Variants in ARHGAP24 observed in about 807,000 individuals in gnomAD.
The protein encoded by ARHGAP24 is Rho GTPase activating protein 24.
ARHGAP24 carries 50 observed loss-of-function variants against 76.4 expected under a neutral mutation model. The observed-to-expected ratio is 0.65, with a 90% CI of 0.52 to 0.83. The LOEUF (loss-of-function observed/expected upper bound fraction) is 0.83, where lower values mean the gene tolerates loss of function less well. ARHGAP24 is among the 40% of genes least tolerant of loss of function. The probability of loss-of-function intolerance (pLI) is 0.00; values close to 1 mark genes in which losing one functional copy is unlikely to be tolerated. For missense variants in ARHGAP24, 930 were observed against 914.2 expected, an observed-to-expected ratio of 1.02 and a Z score of -0.22; for synonymous variants, 345 against 323.3, an observed-to-expected ratio of 1.07 and a Z score of -0.72.
rs72970089 is a variant in ARHGAP24, at chr4:85,883,411, C to T, written c.269-40237C>T. Among the ~76,000 whole-genome samples, 1,407 of 152,082 alleles carry T rather than the reference C, an allele frequency of 9.3e-3. 15 individuals are homozygous for T. The highest frequency in any genetic ancestry group is 0.035 in the East Asian group (183 of 5,158). On this transcript the variant is annotated intron_variant, in intron 3 of 9. Coordinates refer to ENST00000395184, the MANE Select transcript of ARHGAP24 (RefSeq NM_001025616.3). ...CTCCTTTCTTGATGATTCTAGTGTG[C>T]GGCTTAGGCTGAAAATGCACTATGA... is the stretch of plus-strand genomic sequence containing the variant.
intron 3 of ARHGAP24, among the ~76,000 whole-genome samples, chr4:85,769,476 G>T (rs758776848): frequency 6.6e-6 from 1 of 152,010 alleles, no homozygotes; most frequent in Non-Finnish European, 1.5e-5. Context: ...GCAAAAAATG[G>T]AATAAAGAAA....
intron 4 of ARHGAP24, among the ~76,000 whole-genome samples, chr4:85,938,186 G>C (rs764299294): frequency 6.6e-6 from 1 of 152,148 alleles, no homozygotes; most frequent in Non-Finnish European, 1.5e-5. Flanking sequence ...TCACATCCTC[G>C]GTGATGCTTT....
chr4:85,707,579 G>A (rs1724366182), intron 2 of ARHGAP24, among the ~76,000 whole-genome samples: 1 of 152,118 alleles, frequency 6.6e-6, no homozygotes, highest in South Asian at 2.1e-4. Flanking sequence ...GTAATAACAA[G>A]CAGGGATCCC....
At chr4:85,930,148 T>G (rs1033391110) in intron 4 of ARHGAP24, 20 of 733,022 alleles carry the variant, frequency 2.7e-5, no homozygotes, top group South Asian at 6.2e-5. Context: ...CCAGTTCTCA[T>G]TGAGAAAAGG....
chr4:85,510,463 C>G (rs1489497389), intron 1 of ARHGAP24, among the ~76,000 whole-genome samples: 1 of 151,906 alleles, frequency 6.6e-6, no homozygotes, highest in Non-Finnish European at 1.5e-5. Context: ...TTCTCCCTCT[C>G]TCTACCCGTT....
In ARHGAP24 at chr4:86,001,429, C is replaced by T. The variant is rs953906126; in HGVS notation, c.*707C>T. On this transcript the variant is annotated 3_prime_UTR_variant, in exon 10 of 10. Coordinates refer to ENST00000395184, the MANE Select transcript of ARHGAP24 (RefSeq NM_001025616.3). ...TGAGAAAGTCCCTTTCTGAGGCCCA[C>T]TGTCTACCTTGCCAGATCCTCAGTG... 5 of 398,812 alleles carry T rather than the reference C, an allele frequency of 1.3e-5. No homozygotes were observed. The Admixed American group carries it at 1.3e-4, about 11-fold the overall frequency. 24.7% of individuals were successfully genotyped at this position (398,812 alleles called of 1,614,324 possible).
chr4:85,683,125 G>GGGGT (rs1553922590), intron 2 of ARHGAP24, among the ~76,000 whole-genome samples: 2 of 107,658 alleles, frequency 1.9e-5, no homozygotes, highest in African/African-American at 6.9e-5. Flanking sequence ...GGTGGGGGGG[G>GGGGT]GGTGCGGGGG....
intron 2 of ARHGAP24, among the ~76,000 whole-genome samples, chr4:85,672,073 G>A (rs993588065): frequency 1.3e-5 from 2 of 152,178 alleles, no homozygotes; most frequent in Non-Finnish European, 2.9e-5. Context: ...AACAGGCTCA[G>A]AGAACTTTTT....
At chr4:85,698,644 G>A (rs1365389045) in intron 2 of ARHGAP24, among the ~76,000 whole-genome samples, 1 of 152,136 alleles carries the variant, frequency 6.6e-6, no homozygotes, top group Non-Finnish European at 1.5e-5. Context: ...CACAGTTCTG[G>A]AAGCTAAAAG....
chr4:85,946,977 G>C (rs183782872), intron 5 of ARHGAP24, among the ~76,000 whole-genome samples: 122 of 152,000 alleles, frequency 8.0e-4, no homozygotes, highest in Admixed American at 1.8e-3. Flanking sequence ...TTTTCTCCTT[G>C]GCCTCACCAA....
chr4:85,567,170 T>A (rs1350017006), intron 1 of ARHGAP24, among the ~76,000 whole-genome samples: 2 of 152,168 alleles, frequency 1.3e-5, no homozygotes, highest in Non-Finnish European at 2.9e-5. Context: ...ATGTTGAGAA[T>A]CCTTATCTGA....
intron 2 of ARHGAP24, among the ~76,000 whole-genome samples, chr4:85,672,214 A>G (rs1722837394): frequency 6.6e-6 from 1 of 152,190 alleles, no homozygotes; most frequent in Admixed American, 6.5e-5. Context: ...ATCTGAGTGG[A>G]GTTGGAATGA....
chr4:85,710,228 A>G (rs1724471890), intron 2 of ARHGAP24, among the ~76,000 whole-genome samples: 1 of 152,326 alleles, frequency 6.6e-6, no homozygotes, highest in Non-Finnish European at 1.5e-5. Flanking sequence ...CTGATTTTCA[A>G]CAAAGCTGAC....
intron 2 of ARHGAP24, among the ~76,000 whole-genome samples, chr4:85,624,005 T>C (rs1338115961): frequency 3.3e-5 from 5 of 152,202 alleles, no homozygotes; most frequent in Admixed American, 1.3e-4. Context: ...AATGGGGTTT[T>C]CTAGATATAC....
intron 3 of ARHGAP24, among the ~76,000 whole-genome samples, chr4:85,781,880 T>TA (rs576132964): frequency 1.3e-3 from 194 of 151,244 alleles, no homozygotes; most frequent in African/African-American, 4.5e-3. Flanking sequence ...CTACAAAAAA[T>TA]AAAAAAATTA....
intron 1 of ARHGAP24, among the ~76,000 whole-genome samples, chr4:85,507,829 A>G (rs905080538): frequency 2.6e-5 from 4 of 152,214 alleles, no homozygotes; most frequent in Admixed American, 2.6e-4. Flanking sequence ...GATATTCAAT[A>G]AATAGTTACT....
intron 2 of ARHGAP24, among the ~76,000 whole-genome samples, chr4:85,626,921 C>G (rs540283891): frequency 4.7e-4 from 71 of 152,332 alleles, no homozygotes; most frequent in African/African-American, 1.6e-3. Flanking sequence ...TGGTTTTCAG[C>G]TCCATCAGGT....
rs528417010 is a variant in ARHGAP24, at chr4:86,002,489, A to C, written c.*1767A>C. The stretch of plus-strand genomic sequence containing the variant: ...TTTTCACCTATTTCCAGTCCTTATC[A>C]TAGTTGATAAAAACCTCAGACTCAT... On this transcript the variant is annotated 3_prime_UTR_variant, in exon 10 of 10. Coordinates refer to ENST00000395184, the MANE Select transcript of ARHGAP24 (RefSeq NM_001025616.3). 6.6e-6 allele frequency: 1 copy of C among 152,148 alleles called. No individual in the cohort carries two copies. The highest frequency in any genetic ancestry group is 2.4e-5 in the African/African-American group (1 of 41,418). 9.4% of individuals were successfully genotyped at this position (152,148 alleles called of 1,614,324 possible).
intron 3 of ARHGAP24, among the ~76,000 whole-genome samples, chr4:85,858,918 A>G (rs1479927531): frequency 6.6e-6 from 1 of 151,268 alleles, no homozygotes; most frequent in Non-Finnish European, 1.5e-5. Context: ...AGCACCTTTC[A>G]TATCAACTTC....
Sources: gnomAD v4.1 joint callset for allele counts (sites outside exome capture counted in the v4.1 genomes callset) on GRCh38, gnomAD v4.1.1 for gene constraint, MANE v1.5 for transcripts, NCBI Gene and HGNC (gene_info 2026-07-23, HGNC 2026-07-21) for gene names.